Variants in PIEZO2 observed in about 807,000 individuals in gnomAD.
PIEZO2 encodes piezo-type mechanosensitive ion channel component 2.
A neutral mutation model predicts 337.3 loss-of-function variants in PIEZO2; 172 were observed. That is an observed-to-expected ratio of 0.51 (90% CI 0.45 to 0.58). The LOEUF (loss-of-function observed/expected upper bound fraction) is 0.58, where lower values mean the gene tolerates loss of function less well. Among genes scored for constraint, PIEZO2 ranks in the 20% least tolerant of loss-of-function variants. The probability of loss-of-function intolerance (pLI) is 0.00; values close to 1 mark genes in which losing one functional copy is unlikely to be tolerated. For missense variants in PIEZO2, 3,028 were observed against 3,391.3 expected (o/e 0.89, Z 2.66); for synonymous variants, 1,251 against 1,228.5 (o/e 1.02, Z -0.38).
In PIEZO2 at chr18:10,850,270, C is replaced by T. The variant is rs527940480; in HGVS notation, c.917+5083G>A. ...ACCATGGGGTGAAAAGAAGGGATTA[C>T]TCTAGAGAAAAATGAAACTCCAGCC... On this transcript the variant is annotated intron_variant, in intron 7 of 55. Coordinates refer to ENST00000674853, the MANE Select transcript of PIEZO2 (RefSeq NM_001378183.1). This position sits in a 1 kb window ranked among gnomAD's most constrained non-coding sequence, Gnocchi z 4.5. Among the ~76,000 whole-genome samples the T allele has an allele frequency of 2.0e-3, 312 of 152,250 alleles. 1 individual carries two copies. The highest frequency in any genetic ancestry group is 7.0e-3 in the African/African-American group (292 of 41,540).
intron 1 of PIEZO2, among the ~76,000 whole-genome samples, chr18:11,119,783 T>A (rs1222631880): frequency 6.6e-6 from 1 of 152,162 alleles, no homozygotes; most frequent in Non-Finnish European, 1.5e-5. Context: ...GAGGCGACTG[T>A]TGCAAAATAG....
chr18:10,996,208 T>G (rs2035314472), intron 2 of PIEZO2, among the ~76,000 whole-genome samples: 1 of 152,204 alleles, frequency 6.6e-6, no homozygotes, highest in South Asian at 2.1e-4. Context: ...TGTTTGTTGC[T>G]TTCACTGAAG....
chr18:10,715,000 A>C, intron 38 of PIEZO2, 70 bp from the exon 39 acceptor site: 13 of 1,450,062 alleles, frequency 9.0e-6, no homozygotes, highest in African/African-American at 1.4e-5. Context: ...GGCATTTCTC[A>C]ACACAGACAG....
At chr18:10,755,334 T>C (rs1021880335) in intron 27 of PIEZO2, among the ~76,000 whole-genome samples, 1 of 152,126 alleles carries the variant, frequency 6.6e-6, no homozygotes. Context: ...TGCAACCTCA[T>C]ATGGCTCAAT....
chr18:10,977,777 A>C (rs1284018339), intron 3 of PIEZO2, among the ~76,000 whole-genome samples: 2 of 152,230 alleles, frequency 1.3e-5, no homozygotes, highest in African/African-American at 4.8e-5. Flanking sequence ...AACATTGACA[A>C]ATCTTGAAAA....
chr18:10,814,147 T>G (rs1459140588), intron 7 of PIEZO2, among the ~76,000 whole-genome samples: 1 of 152,022 alleles, frequency 6.6e-6, no homozygotes, highest in Non-Finnish European at 1.5e-5. Flanking sequence ...TTTTGTATTT[T>G]TTTAGTAGAG....
In PIEZO2 at chr18:11,077,267, C is replaced by T. The variant is rs1325055965; in HGVS notation, c.65-11045G>A. Among the ~76,000 whole-genome samples the T allele has an allele frequency of 6.6e-6, 1 of 152,184 alleles. No individual in the cohort carries two copies. The highest frequency in any genetic ancestry group is 2.4e-5 in the African/African-American group (1 of 41,448). ...AATATTAAAACTGCTTATTAGCCTG[C>T]TCATCTTAGTGGCTTTGTCATCTAT... On this transcript the variant is annotated intron_variant, in intron 1 of 55. Coordinates refer to ENST00000674853, the MANE Select transcript of PIEZO2 (RefSeq NM_001378183.1). This position sits in a 1 kb window ranked among gnomAD's most constrained non-coding sequence, Gnocchi z 4.8.
intron 39 of PIEZO2, among the ~76,000 whole-genome samples, chr18:10,708,967 A>T (rs903011611): frequency 6.6e-6 from 1 of 152,118 alleles, no homozygotes; most frequent in Non-Finnish European, 1.5e-5. Flanking sequence ...CAACAAACTG[A>T]ATTTTGCACC....
chr18:10,737,259 G>C (rs2037035629), intron 33 of PIEZO2, among the ~76,000 whole-genome samples: 1 of 129,736 alleles, frequency 7.7e-6, no homozygotes, highest in African/African-American at 3.3e-5. Flanking sequence ...TAACACAAGG[G>C]ACAAAACATA....
At chr18:10,710,529 A>G (rs1043005388) in intron 39 of PIEZO2, among the ~76,000 whole-genome samples, 3 of 152,260 alleles carry the variant, frequency 2.0e-5, no homozygotes, top group African/African-American at 7.2e-5. Context: ...ACCATTAAAA[A>G]ATTTTTGCCA....
At chr18:10,842,957 G>C (rs934048766) in intron 7 of PIEZO2, among the ~76,000 whole-genome samples, 2 of 152,200 alleles carry the variant, frequency 1.3e-5, no homozygotes, top group African/African-American at 2.4e-5. Context: ...CTCATTTTAA[G>C]AGCTAATCTC....
intron 18 of PIEZO2, among the ~76,000 whole-genome samples, chr18:10,778,745 A>G (rs907370417): frequency 2.6e-5 from 4 of 152,210 alleles, no homozygotes; most frequent in African/African-American, 9.7e-5. Context: ...TTGAACTTTG[A>G]TACTTCTAAG....
chr18:11,147,000 C>T lies in PIEZO2; in HGVS notation c.64+1525G>A, dbSNP rs1289015398. On this transcript the variant is annotated intron_variant, in intron 1 of 55. Transcript: ENST00000674853. This position sits in a 1 kb window ranked among gnomAD's most constrained non-coding sequence, Gnocchi z 6.1. ...CTTCATGCTAAAAGCCCTTTGTTAA[C>T]TCGGTCACTAGCTTCCAATTCACAA... Among the ~76,000 whole-genome samples the T allele has an allele frequency of 4.6e-5, 7 of 152,212 alleles. No homozygotes were observed. The highest frequency in any genetic ancestry group is 1.3e-4 in the Admixed American group (2 of 15,292).
intron 27 of PIEZO2, among the ~76,000 whole-genome samples, chr18:10,756,223 C>T (rs2037839107): frequency 7.4e-6 from 1 of 135,444 alleles, no homozygotes; most frequent in Admixed American, 7.5e-5. Context: ...GGATGGGAGA[C>T]AAGGATAAGC....
intron 5 of PIEZO2, among the ~76,000 whole-genome samples, chr18:10,857,989 TTTTC>T (rs1185961096): frequency 1.9e-4 from 29 of 149,480 alleles, no homozygotes; most frequent in Admixed American, 7.9e-4. Flanking sequence ...ACTTTTTCTT[TTTTC>T]TTTCTTTCTT....
chr18:11,139,502 A>T (rs1208268035), intron 1 of PIEZO2, among the ~76,000 whole-genome samples: 1 of 152,194 alleles, frequency 6.6e-6, no homozygotes, highest in Non-Finnish European at 1.5e-5. Flanking sequence ...ATATATGGGC[A>T]TCTAGATCAT....
intron 1 of PIEZO2, among the ~76,000 whole-genome samples, chr18:11,100,015 CTT>C (rs1568372862): frequency 1.3e-5 from 2 of 152,052 alleles, no homozygotes; most frequent in East Asian, 1.9e-4. Context: ...TCATAAAAAA[CTT>C]ATTATTTTAT....
chr18:11,057,640 C>G lies in PIEZO2; in HGVS notation c.160+8487G>C, dbSNP rs558642446. On this transcript the variant is annotated intron_variant, in intron 2 of 55. Transcript: ENST00000674853. The stretch of plus-strand genomic sequence containing the variant: ...AGGGCCGCAGATAGCTCCCTGGTAC[C>G]ATTAATATCTAAGAAGAAACCAAGT... Among the ~76,000 whole-genome samples the G allele has an allele frequency of 3.4e-3, 525 of 152,222 alleles. 14 individuals are homozygous for G. Among genetic ancestry groups the G allele is most frequent in the Non-Finnish European group, 1.1e-3 (75 of 68,006 alleles).
At chr18:10,698,321 C>T (rs777884540) in intron 44 of PIEZO2, among the ~76,000 whole-genome samples, 5 of 152,016 alleles carry the variant, frequency 3.3e-5, no homozygotes, top group African/African-American at 4.8e-5. Flanking sequence ...ACAGGAGCCC[C>T]GTAAGTACAA....
Sources: gnomAD v4.1 joint callset for allele counts (sites outside exome capture counted in the v4.1 genomes callset) on GRCh38, gnomAD v4.1.1 for gene constraint, Gnocchi (gnomAD v3.1) non-coding constraint, MANE v1.5 for transcripts, NCBI Gene and HGNC (gene_info 2026-07-23, HGNC 2026-07-21) for gene names.